SNTA1: variants seen among roughly 807,000 people sequenced by gnomAD.
The protein encoded by SNTA1 is alpha-1-syntrophin.
A neutral mutation model predicts 47.1 loss-of-function variants in SNTA1; 31 were observed. That is an observed-to-expected ratio of 0.66 (90% CI 0.49 to 0.89). The LOEUF is 0.89. Ranked by LOEUF, SNTA1 falls within the 40% of genes least tolerant of loss-of-function variation. SNTA1 has a pLI of 0.00. For synonymous variants in SNTA1, 300 were observed against 313.6 expected (o/e 0.96, Z 0.46); for missense variants, 575 against 693.0 (o/e 0.83, Z 1.91).
At chr20:33,436,684 T>A (rs192513633) in intron 2 of SNTA1, among the ~76,000 whole-genome samples, 46 of 151,658 alleles carry the variant, frequency 3.0e-4, no homozygotes, top group Non-Finnish European at 5.2e-4. Context: ...AAAAATTGGC[T>A]AGGTGTGGTG....
chr20:33,439,851 G>A (rs1990536714), intron 1 of SNTA1, among the ~76,000 whole-genome samples: 2 of 152,078 alleles, frequency 1.3e-5, no homozygotes, highest in South Asian at 4.1e-4. Context: ...CAGGTGCGGT[G>A]GCTTATGCCT....
chr20:33,410,102 C>A, intron 6 of SNTA1, 33 bp downstream of exon 6: 1 of 1,611,636 alleles, frequency 6.2e-7, no homozygotes, highest in Non-Finnish European at 8.5e-7. Flanking sequence ...AGGCTTATTA[C>A]CAGAGGGACA....
intron 3 of SNTA1, among the ~76,000 whole-genome samples, chr20:33,415,664 A>C (rs1211761602): frequency 6.6e-6 from 1 of 151,422 alleles, no homozygotes; most frequent in African/African-American, 2.4e-5. Flanking sequence ...GGCGGCGTGC[A>C]CCTGTAGTCC....
intron 2 of SNTA1, among the ~76,000 whole-genome samples, chr20:33,425,671 GGAAA>G (rs1421894896): frequency 6.6e-6 from 1 of 151,402 alleles, no homozygotes; most frequent in Non-Finnish European, 1.5e-5. Context: ...AAAACAAAAA[GGAAA>G]GAAAGAAAGT....
At position 33,425,656 on chromosome 20, in the gene SNTA1, T is replaced by A. The variant is rs541840053; in HGVS notation, c.497-7733A>T. Among the ~76,000 whole-genome samples, 3 of 151,268 alleles carry A rather than the reference T, an allele frequency of 2.0e-5. No individual in the cohort carries two copies. The South Asian group carries it at 6.3e-4, about 32-fold the overall frequency. On this transcript the variant is annotated intron_variant, in intron 2 of 7. Transcript: ENST00000217381. ...CAGCCTGGGCCACACAGTGAGAACC[T>A]GTCTAAAACAAAAAGGAAAGAAAGA...
At chr20:33,443,176 T>C in intron 1 of SNTA1, 135 bp downstream of exon 1, 1 of 573,560 alleles carries the variant, frequency 1.7e-6, no homozygotes, top group South Asian at 3.0e-5. Flanking sequence ...TGCCCTCCGT[T>C]ACCTGTTTCC....
chr20:33,413,804 G>A (rs560357639), intron 3 of SNTA1, among the ~76,000 whole-genome samples: 5 of 152,136 alleles, frequency 3.3e-5, no homozygotes, highest in African/African-American at 1.2e-4. Flanking sequence ...AGCCAGGCAT[G>A]GTGACACGTG....
rs145406851 is a variant in SNTA1 at position 33,428,976 on chromosome 20, G to T, written c.496+9865C>A. Among the ~76,000 whole-genome samples the T allele has an allele frequency of 8.7e-3, 1,326 of 152,038 alleles. 13 individuals are homozygous for T. The highest frequency in any genetic ancestry group is 0.029 in the African/African-American group (1,211 of 41,450). On this transcript the variant is annotated intron_variant, in intron 2 of 7. Coordinates refer to ENST00000217381, the MANE Select transcript of SNTA1 (RefSeq NM_003098.3). ...AAACTGCTTGAACCTGAGAGGCAAA[G>T]GTTGCAGTGAGCCAAGATCGTACCA...
Position 33,408,432 on chromosome 20 carries a change from G to T in SNTA1, c.*75C>A. On this transcript the variant is annotated 3_prime_UTR_variant, in exon 8 of 8. Coordinates refer to ENST00000217381, the MANE Select transcript of SNTA1 (RefSeq NM_003098.3). ...CTCCCTTCCCTCAGCCCAGGGGTGA[G>T]CAGGCAGTCGGTGGAGGCCCAGCTC... is the stretch of plus-strand genomic sequence containing the variant. 1 of 1,051,504 alleles carries T rather than the reference G, an allele frequency of 9.5e-7. No homozygotes were observed. The highest frequency in any genetic ancestry group is 1.5e-6 in the Non-Finnish European group (1 of 675,372). The allele number at this position is 1,051,504 out of a possible 1,614,324, so 65.1% of individuals were successfully genotyped here. A position where few individuals can be genotyped will look rare whatever the true frequency, so the allele number is the denominator to read the frequency against.
chr20:33,419,406 G>A (rs529494001), intron 2 of SNTA1, among the ~76,000 whole-genome samples: 28 of 152,330 alleles, frequency 1.8e-4, no homozygotes, highest in African/African-American at 6.7e-4. Flanking sequence ...CTGAGGCTCA[G>A]ATAGGATTCA....
At chr20:33,424,921 CCTGA>C (rs1242343935) in intron 2 of SNTA1, among the ~76,000 whole-genome samples, 1 of 151,810 alleles carries the variant, frequency 6.6e-6, no homozygotes, top group Non-Finnish European at 1.5e-5. Context: ...TTAAGACCAT[CCTGA>C]CTAACACGGT....
chr20:33,408,731 G>A lies in SNTA1; in HGVS notation c.1395C>T (p.Phe465=). The change falls in exon 7 of 8, where the codon TTC becomes TTT. Residue 465 remains phenylalanine (F), a synonymous_variant. Transcript: ENST00000217381. The stretch of plus-strand genomic sequence containing the variant: ...CGCCTTCAGCACCTCCAAAATCCAG[G>A]AAAAGGAGACTGGCACCGTCATCTG... ...MSSDDGASLL[F]LDFGGAEGEI... is the part of the protein sequence containing the mutation. 6.2e-7 allele frequency: 1 copy of A among 1,614,128 alleles called. No homozygotes were observed. The highest frequency in any genetic ancestry group is 8.5e-7 in the Non-Finnish European group (1 of 1,180,026).
At chr20:33,412,467 A>G (rs1989764267) in intron 4 of SNTA1, 41 bp from the exon 5 acceptor site, 1 of 1,607,672 alleles carries the variant, frequency 6.2e-7, no homozygotes, top group Admixed American at 1.7e-5. Flanking sequence ...GTGGGGGAAG[A>G]GAGGGCAGAG....
intron 6 of SNTA1, among the ~76,000 whole-genome samples, chr20:33,409,775 C>T (rs1282528896): frequency 2.6e-5 from 4 of 152,106 alleles, no homozygotes; most frequent in African/African-American, 7.2e-5. Context: ...GGACTACAGG[C>T]GCCCACCACC....
At chr20:33,432,404 G>T (rs1990331851) in intron 2 of SNTA1, among the ~76,000 whole-genome samples, 1 of 152,318 alleles carries the variant, frequency 6.6e-6, no homozygotes, top group East Asian at 1.9e-4. Context: ...ATTTAGGAAA[G>T]TCAACAGCAA....
At chr20:33,437,182 G>A (rs1484687306) in intron 2 of SNTA1, among the ~76,000 whole-genome samples, 1 of 151,426 alleles carries the variant, frequency 6.6e-6, no homozygotes, top group African/African-American at 2.4e-5. Flanking sequence ...AGAATTGCTT[G>A]AACCCGGGAG....
chr20:33,427,278 T>C (rs1190759408), intron 2 of SNTA1, among the ~76,000 whole-genome samples: 4 of 151,984 alleles, frequency 2.6e-5, no homozygotes, highest in Non-Finnish European at 5.9e-5. Flanking sequence ...CCCCGTAATA[T>C]CACTTGCATG....
intron 2 of SNTA1, among the ~76,000 whole-genome samples, chr20:33,429,987 G>GA (rs573658308): frequency 7.4e-4 from 113 of 152,100 alleles, no homozygotes; most frequent in African/African-American, 2.5e-3. Context: ...GGCTAAGCTG[G>GA]ATATTTTTGA....
intron 4 of SNTA1, 28 bp downstream of exon 4, chr20:33,412,547 A>T (rs759892622): frequency 1.2e-6 from 2 of 1,608,662 alleles, no homozygotes; most frequent in South Asian, 2.2e-5. Context: ...GAAGAGAGAG[A>T]GGGATAGGTC....
Sources: gnomAD v4.1 joint callset for allele counts (sites outside exome capture counted in the v4.1 genomes callset) on GRCh38, gnomAD v4.1.1 for gene constraint, MANE v1.5 for transcripts, NCBI Gene and HGNC (gene_info 2026-07-23, HGNC 2026-07-21) for gene names.